Variants in PDE4D observed in about 807,000 individuals in gnomAD.
PDE4D encodes the protein 3',5'-cyclic-AMP phosphodiesterase 4D.
Under a neutral mutation model 87.4 loss-of-function variants are expected in PDE4D, and 24 were observed. The ratio of observed to expected loss-of-function variants is 0.27; its 90% CI spans 0.20 to 0.39. PDE4D has a LOEUF of 0.39. Among genes scored for constraint, PDE4D ranks in the 10% least tolerant of loss-of-function variants. The pLI is 1.00. For missense variants in PDE4D, 714 were observed against 1,041.0 expected (o/e 0.69, Z 4.32); for synonymous variants, 384 against 383.2 (o/e 1.00, Z -0.02).
At chr5:59,717,591 G>T (rs1485286693) in intron 1 of PDE4D, among the ~76,000 whole-genome samples, 1 of 152,150 alleles carries the variant, frequency 6.6e-6, no homozygotes, top group African/African-American at 2.4e-5. Flanking sequence ...AATGCAATAG[G>T]AAACTAAGAA....
intron 6 of PDE4D, among the ~76,000 whole-genome samples, chr5:58,995,635 C>T (rs6876057): frequency 0.1 from 15,682 of 152,198 alleles, 1,288 homozygotes; most frequent in East Asian, 0.47. Flanking sequence ...CTTTCTGGCA[C>T]TTGGTCCATA....
At chr5:59,215,581 G>A (rs1751066236) in intron 2 of PDE4D, 196 bp downstream of exon 2, 2 of 553,590 alleles carry the variant, frequency 3.6e-6, no homozygotes, top group Admixed American at 3.1e-5. Flanking sequence ...GTGTGTGTGT[G>A]TGTGTGTTAA....
intron 1 of PDE4D, among the ~76,000 whole-genome samples, chr5:59,417,952 G>T (rs1001617363): frequency 6.6e-6 from 1 of 152,044 alleles, no homozygotes; most frequent in Admixed American, 6.6e-5. Flanking sequence ...ACAACAAAAC[G>T]CTTTACTTTT....
intron 1 of PDE4D, among the ~76,000 whole-genome samples, chr5:59,497,292 T>G (rs1311564425): frequency 6.6e-6 from 1 of 152,066 alleles, no homozygotes; most frequent in East Asian, 1.9e-4. Flanking sequence ...TCAGAGTGTT[T>G]TACCACCTCC....
chr5:59,449,103 C>T (rs948277670), intron 1 of PDE4D, among the ~76,000 whole-genome samples: 2 of 152,140 alleles, frequency 1.3e-5, no homozygotes, highest in African/African-American at 2.4e-5. Flanking sequence ...TGCATAAAAG[C>T]ATAAAAATAC....
chr5:60,406,708 G>A (rs980607958), intron 1 of PDE4D, among the ~76,000 whole-genome samples: 1 of 152,012 alleles, frequency 6.6e-6, no homozygotes, highest in African/African-American at 2.4e-5. Context: ...CAGGCTGCCT[G>A]GTACTCTCAG....
chr5:59,511,542 T>C (rs1275374112), intron 1 of PDE4D, among the ~76,000 whole-genome samples: 1 of 152,026 alleles, frequency 6.6e-6, no homozygotes, highest in Non-Finnish European at 1.5e-5. Context: ...ACTTGTTGAC[T>C]AATATGCACA....
At chr5:59,481,364 A>C (rs1271552780) in intron 1 of PDE4D, among the ~76,000 whole-genome samples, 2 of 149,056 alleles carry the variant, frequency 1.3e-5, no homozygotes, top group African/African-American at 2.6e-5. Context: ...GAGTAATACA[A>C]TGTAGTCCAA....
chr5:59,822,339 T>C (rs1769793452), intron 1 of PDE4D, among the ~76,000 whole-genome samples: 1 of 152,316 alleles, frequency 6.6e-6, no homozygotes, highest in Middle Eastern at 3.4e-3. Context: ...TTGTAATTTT[T>C]AAATTTTGTT....
At chr5:60,510,016 C>T (rs1750501295) in intron 1 of PDE4D, among the ~76,000 whole-genome samples, 1 of 152,068 alleles carries the variant, frequency 6.6e-6, no homozygotes, top group South Asian at 2.1e-4. Context: ...CTAGTTCCAG[C>T]ACAACAGATC....
intron 1 of PDE4D, among the ~76,000 whole-genome samples, chr5:60,241,177 T>A (rs1747065229): frequency 6.6e-6 from 1 of 151,562 alleles, no homozygotes; most frequent in African/African-American, 2.4e-5. Context: ...CACAAAAAGA[T>A]TGAAATAATT....
rs538299540 is a variant in PDE4D at position 59,606,487 on chromosome 5, A to C, written c.455+286681T>G. On this transcript the variant is annotated intron_variant, in intron 1 of 14. Transcript: ENST00000340635. ...AATATTCCCCAGTTTATAGATGATG[A>C]ATCTGAGGAACCTGGAGAGGTTAAG... is the stretch of plus-strand genomic sequence containing the variant. Among the ~76,000 whole-genome samples, 57 of 152,180 alleles carry C rather than the reference A, an allele frequency of 3.7e-4. No homozygotes were observed. In the South Asian group the frequency reaches 0.011, roughly 29 times the overall value.
At chr5:59,496,048 G>T (rs1246689195) in intron 1 of PDE4D, among the ~76,000 whole-genome samples, 1 of 152,142 alleles carries the variant, frequency 6.6e-6, no homozygotes, top group Non-Finnish European at 1.5e-5. Flanking sequence ...TCACACCTGG[G>T]CTTGGAGAAT....
At chr5:59,277,916 T>C (rs908669278) in intron 1 of PDE4D, among the ~76,000 whole-genome samples, 11 of 152,120 alleles carry the variant, frequency 7.2e-5, no homozygotes, top group African/African-American at 2.7e-4. Flanking sequence ...GACTGTATAA[T>C]AGTACCATAA....
At chr5:59,756,935 T>C (rs986552381) in intron 1 of PDE4D, among the ~76,000 whole-genome samples, 4 of 151,626 alleles carry the variant, frequency 2.6e-5, no homozygotes, top group Non-Finnish European at 4.4e-5. Context: ...GTAGCTCGGA[T>C]TACAGGCATG....
chr5:59,848,000 A>G (rs542753391), intron 1 of PDE4D, among the ~76,000 whole-genome samples: 1 of 152,232 alleles, frequency 6.6e-6, no homozygotes, highest in South Asian at 2.1e-4. Context: ...CTTCATGATT[A>G]CAATGGGATA....
intron 2 of PDE4D, among the ~76,000 whole-genome samples, chr5:60,160,355 A>G (rs2910833): frequency 0.12 from 18,091 of 152,080 alleles, 1,541 homozygotes; most frequent in African/African-American, 0.25. Context: ...TCATGGGTCA[A>G]TTCTATATTG....
At chr5:60,081,766 G>C (rs1773977361) in intron 2 of PDE4D, among the ~76,000 whole-genome samples, 1 of 151,602 alleles carries the variant, frequency 6.6e-6, no homozygotes, top group Non-Finnish European at 1.5e-5. Flanking sequence ...GTTGAGTATT[G>C]GTCCTCAATC....
intron 1 of PDE4D, among the ~76,000 whole-genome samples, chr5:59,374,185 C>T (rs1320583671): frequency 2.0e-5 from 3 of 152,060 alleles, no homozygotes; most frequent in Non-Finnish European, 4.4e-5. Context: ...CAATATTAAC[C>T]TTAAATGTAA....
Sources: allele counts gnomAD v4.1 joint callset (sites outside exome capture counted in the v4.1 genomes callset), GRCh38; gene constraint gnomAD v4.1.1; transcripts MANE v1.5; gene names NCBI Gene and HGNC (gene_info 2026-07-23, HGNC 2026-07-21).